The following NCAM2 variants were observed in gnomAD, a reference collection of about 807,000 sequenced individuals.
The protein encoded by NCAM2 is N-CAM-2.
NCAM2 carries 30 observed loss-of-function variants against 98.1 expected under a neutral mutation model. That is an observed-to-expected ratio of 0.31 (90% CI 0.23 to 0.41). The LOEUF (loss-of-function observed/expected upper bound fraction) is 0.41, where lower values mean the gene tolerates loss of function less well. Among genes scored for constraint, NCAM2 ranks in the 10% least tolerant of loss-of-function variants. The pLI, the probability that NCAM2 is intolerant of heterozygous loss-of-function variation, is 1.00. For missense variants in NCAM2, 867 were observed against 1,005.8 expected (o/e 0.86, Z 1.87); for synonymous variants, 368 against 342.4 (o/e 1.07, Z -0.83).
intron 8 of NCAM2, among the ~76,000 whole-genome samples, chr21:21,352,156 C>T (rs2075359603): frequency 6.6e-6 from 1 of 152,022 alleles, no homozygotes; most frequent in African/African-American, 2.4e-5. Context: ...AGCTTCAGCC[C>T]CCCAGTCTCA....
chr21:21,209,244 C>A (rs1468081142), intron 1 of NCAM2, among the ~76,000 whole-genome samples: 1 of 152,030 alleles, frequency 6.6e-6, no homozygotes, highest in Admixed American at 6.6e-5. Context: ...CGAGATTGGT[C>A]TTGCTGTGTC....
intron 1 of NCAM2, among the ~76,000 whole-genome samples, chr21:21,088,564 C>A (rs2065947599): frequency 6.6e-6 from 1 of 152,092 alleles, no homozygotes; most frequent in South Asian, 2.1e-4. Context: ...ATGTTGCATG[C>A]AGACAAATTT....
chr21:21,283,816 G>A (rs1208094866), intron 2 of NCAM2, among the ~76,000 whole-genome samples: 1 of 151,852 alleles, frequency 6.6e-6, no homozygotes, highest in Non-Finnish European at 1.5e-5. Context: ...AGTAATTGTG[G>A]TTCTGTTCAG....
At position 21,541,907 on chromosome 21, in the gene NCAM2, G is replaced by T. The variant is rs1990247057; in HGVS notation, c.*3950G>T. 1 of 151,566 alleles carries T rather than the reference G, an allele frequency of 6.6e-6. No individual in the cohort carries two copies. The highest frequency in any genetic ancestry group is 2.4e-5 in the African/African-American group (1 of 41,266). The allele number at this position is 151,566 out of a possible 1,614,324, so 9.4% of individuals were successfully genotyped here. On this transcript the variant is annotated 3_prime_UTR_variant, in exon 18 of 18. Coordinates refer to ENST00000400546, the MANE Select transcript of NCAM2 (RefSeq NM_004540.5). ...TATCTGGATATATTTTTAACAATAA[G>T]TTTGTTAGCATTATTTATTTATCTT...
chr21:21,144,991 AAT>A (rs1263001835), intron 1 of NCAM2, among the ~76,000 whole-genome samples: 2 of 151,628 alleles, frequency 1.3e-5, no homozygotes, highest in African/African-American at 4.8e-5. Flanking sequence ...AGAATTTAAA[AAT>A]GTTACTGGCA....
chr21:20,998,817 A>T (rs1040758376), intron 1 of NCAM2, among the ~76,000 whole-genome samples, 199 bp downstream of exon 1: 4 of 152,106 alleles, frequency 2.6e-5, no homozygotes, highest in Admixed American at 1.3e-4. Context: ...TAAATAAGAG[A>T]AGGGAAAATA....
At chr21:21,137,465 T>C (rs561725859) in intron 1 of NCAM2, among the ~76,000 whole-genome samples, 1 of 152,128 alleles carries the variant, frequency 6.6e-6, no homozygotes, top group Non-Finnish European at 1.5e-5. Flanking sequence ...GTTGGCCGGG[T>C]GTAGCATTCA....
chr21:21,515,865 C>T (rs1988680395), intron 16 of NCAM2, among the ~76,000 whole-genome samples: 1 of 152,072 alleles, frequency 6.6e-6, no homozygotes, highest in African/African-American at 2.4e-5. Context: ...TCATTTATAA[C>T]TGAAGAAGAC....
chr21:21,325,377 T>C (rs2074486178), intron 6 of NCAM2, among the ~76,000 whole-genome samples: 1 of 152,230 alleles, frequency 6.6e-6, no homozygotes, highest in Non-Finnish European at 1.5e-5. Context: ...ACTTTTATTC[T>C]TTTTTGCTTG....
intron 1 of NCAM2, among the ~76,000 whole-genome samples, chr21:21,232,450 A>G (rs1192633658): frequency 6.6e-6 from 1 of 151,508 alleles, no homozygotes; most frequent in Admixed American, 6.6e-5. Context: ...ATCATTTTTG[A>G]GTTTCAGTTG....
At chr21:21,049,013 A>ATTTTTTTTTTTTTT (rs61325994) in intron 1 of NCAM2, among the ~76,000 whole-genome samples, 3 of 133,480 alleles carry the variant, frequency 2.2e-5, no homozygotes, top group African/African-American at 8.4e-5. Flanking sequence ...TTTACTATTA[A>ATTTTTTTTTTTTTT]TTTTTTTTTT....
At chr21:21,228,336 A>C (rs997121316) in intron 1 of NCAM2, among the ~76,000 whole-genome samples, 1 of 151,636 alleles carries the variant, frequency 6.6e-6, no homozygotes, top group African/African-American at 2.4e-5. Context: ...TTTTACAATC[A>C]TGATACATTA....
chr21:21,455,529 G>C (rs1454483199), intron 12 of NCAM2, among the ~76,000 whole-genome samples: 1 of 151,778 alleles, frequency 6.6e-6, no homozygotes, highest in Non-Finnish European at 1.5e-5. Flanking sequence ...TAGAATTACT[G>C]TCCTAATAAT....
chr21:21,364,990 T>C (rs768716384), intron 8 of NCAM2, among the ~76,000 whole-genome samples: 8 of 152,076 alleles, frequency 5.3e-5, no homozygotes, highest in Non-Finnish European at 8.8e-5. Context: ...TAAGCTCCAT[T>C]ATTGCTCAAG....
intron 9 of NCAM2, among the ~76,000 whole-genome samples, chr21:21,380,452 G>A (rs974407879): frequency 6.6e-6 from 1 of 152,084 alleles, no homozygotes; most frequent in Non-Finnish European, 1.5e-5. Context: ...CAAATTTATT[G>A]TCTTAACCAT....
intron 1 of NCAM2, among the ~76,000 whole-genome samples, chr21:21,272,002 C>T (rs567089858): frequency 2.6e-5 from 4 of 152,108 alleles, no homozygotes; most frequent in Non-Finnish European, 4.4e-5. Context: ...ATGTAACAAA[C>T]CTGCATGTTG....
intron 8 of NCAM2, among the ~76,000 whole-genome samples, chr21:21,340,049 A>T (rs1486094359): frequency 6.6e-6 from 1 of 151,920 alleles, no homozygotes; most frequent in African/African-American, 2.4e-5. Context: ...ACTATGACAC[A>T]GTTGCCAAAT....
At chr21:21,371,798 AAACTATTAC>A (rs1342481405) in intron 8 of NCAM2, among the ~76,000 whole-genome samples, 2 of 151,832 alleles carry the variant, frequency 1.3e-5, no homozygotes, top group African/African-American at 4.8e-5. Context: ...CCAAGGGTAG[AAACTATTAC>A]AGTTTGCTCA....
At chr21:21,419,893 G>A (rs2077076240) in intron 11 of NCAM2, among the ~76,000 whole-genome samples, 1 of 151,962 alleles carries the variant, frequency 6.6e-6, no homozygotes, top group African/African-American at 2.4e-5. Context: ...GGATGGCTGG[G>A]TCAAATGGTA....
Sources: gnomAD v4.1 joint callset for allele counts (sites outside exome capture counted in the v4.1 genomes callset) on GRCh38, gnomAD v4.1.1 for gene constraint, MANE v1.5 for transcripts, NCBI Gene and HGNC (gene_info 2026-07-23, HGNC 2026-07-21) for gene names.